ITGA1: variants seen among roughly 807,000 people sequenced by gnomAD.
The protein encoded by ITGA1 is integrin alpha-1.
In ITGA1, 85 loss-of-function variants were observed where a neutral mutation model predicts 145.9. The observed-to-expected ratio is 0.58, with a 90% CI of 0.49 to 0.70. The LOEUF (loss-of-function observed/expected upper bound fraction) is 0.70, where lower values mean the gene tolerates loss of function less well. Ranked by LOEUF, ITGA1 falls within the 30% of genes least tolerant of loss-of-function variation. The pLI is 0.00. For synonymous variants in ITGA1, 520 were observed against 495.3 expected (o/e 1.05, Z -0.66); for missense variants, 1,351 against 1,418.7 (o/e 0.95, Z 0.77).
At chr5:52,810,262 G>A (rs1284343461) in intron 1 of ITGA1, among the ~76,000 whole-genome samples, 9 of 152,234 alleles carry the variant, frequency 5.9e-5, no homozygotes, top group African/African-American at 2.2e-4. Context: ...CCTGGGGACT[G>A]AAGTCAGGAA....
chr5:52,876,458 AC>A (rs1431066495), intron 6 of ITGA1, among the ~76,000 whole-genome samples: 40 of 152,186 alleles, frequency 2.6e-4, no homozygotes, highest in African/African-American at 9.6e-4. Context: ...GAAAACAAGC[AC>A]CCCGGTATCA....
At chr5:52,893,889 C>G in intron 9 of ITGA1, 49 bp downstream of exon 9, 2 of 1,427,264 alleles carry the variant, frequency 1.4e-6, no homozygotes, top group Non-Finnish European at 9.7e-7. Flanking sequence ...AATTCAAAAT[C>G]AGTATAATGG....
intron 1 of ITGA1, among the ~76,000 whole-genome samples, chr5:52,805,281 A>T (rs1748567898): frequency 1.3e-5 from 2 of 152,306 alleles, no homozygotes; most frequent in South Asian, 4.1e-4. Context: ...AAGCTGAAGC[A>T]GCATGCTAAA....
At chr5:52,900,332 A>C (rs1483687289) in intron 11 of ITGA1, among the ~76,000 whole-genome samples, 1 of 152,198 alleles carries the variant, frequency 6.6e-6, no homozygotes, top group South Asian at 2.1e-4. Flanking sequence ...TAAATTAGTA[A>C]AACTCCTTAT....
At chr5:52,814,738 A>AT (rs1554041326) in intron 1 of ITGA1, among the ~76,000 whole-genome samples, 5 of 151,850 alleles carry the variant, frequency 3.3e-5, no homozygotes, top group Non-Finnish European at 7.4e-5. Context: ...TTAAAAAAAA[A>AT]GGGGGGGAAA....
Position 52,946,531 on chromosome 5 carries a change from C to G in ITGA1, c.3379-814C>G, listed in dbSNP as rs1301167998. Among the ~76,000 whole-genome samples, 8 of 152,138 alleles carry G rather than the reference C, an allele frequency of 5.3e-5. No homozygotes were observed. In the East Asian group the frequency reaches 1.3e-3, roughly 26 times the overall value. On this transcript the variant is annotated intron_variant, in intron 27 of 28. Transcript: ENST00000282588. ...TGTTAGTTTCTTTTTCTACCCTAATCTTCCCTCTAGGTAAAGAAATTGAGG... is the reference window on the plus strand; with the variant it reads ...TGTTAGTTTCTTTTTCTACCCTAATGTTCCCTCTAGGTAAAGAAATTGAGG...
Position 52,801,597 on chromosome 5 carries a change from C to A in ITGA1, c.61+13183C>A, listed in dbSNP as rs778751436. On this transcript the variant is annotated intron_variant, in intron 1 of 28. Transcript: ENST00000282588. ...AGCAGGTGGAGAAGGCCAATGAAGCCATGGCAATTGACACATTGCTCATCA... is the reference window on the plus strand; with the variant it reads ...AGCAGGTGGAGAAGGCCAATGAAGCAATGGCAATTGACACATTGCTCATCA... 2.5e-6 allele frequency: 4 copies of A among 1,613,792 alleles called. No homozygotes were observed. In the African/African-American group the frequency reaches 5.3e-5, roughly 22 times the overall value.
intron 1 of ITGA1, chr5:52,804,052 T>C (rs1037209639): frequency 6.6e-6 from 1 of 152,220 alleles, no homozygotes; most frequent in African/African-American, 2.4e-5. Flanking sequence ...TTACATTTTC[T>C]GTTATCAAGA....
At chr5:52,847,842 G>GC (rs1749363197) in intron 1 of ITGA1, among the ~76,000 whole-genome samples, 1 of 152,108 alleles carries the variant, frequency 6.6e-6, no homozygotes, top group Admixed American at 6.5e-5. Flanking sequence ...AGCCATCATG[G>GC]CCCCCTGGAA....
intron 7 of ITGA1, among the ~76,000 whole-genome samples, chr5:52,886,295 A>T (rs528776123): frequency 6.6e-6 from 1 of 152,178 alleles, no homozygotes; most frequent in African/African-American, 2.4e-5. Context: ...ATCTTGTCAT[A>T]TTTGCTTTAA....
chr5:52,830,089 T>C (rs1203786308), intron 1 of ITGA1, among the ~76,000 whole-genome samples: 1 of 152,154 alleles, frequency 6.6e-6, no homozygotes, highest in African/African-American at 2.4e-5. Context: ...TAAAAGTTAT[T>C]TGAGTCCCTA....
intron 2 of ITGA1, among the ~76,000 whole-genome samples, chr5:52,856,667 G>A (rs901016001): frequency 1.5e-5 from 2 of 134,184 alleles, no homozygotes; most frequent in East Asian, 2.3e-4. Context: ...ATTTTCCAAA[G>A]AAGAAAAAGA....
chr5:52,949,197 T>A (rs996390850), intron 28 of ITGA1, among the ~76,000 whole-genome samples: 1 of 152,192 alleles, frequency 6.6e-6, no homozygotes, highest in Non-Finnish European at 1.5e-5. Flanking sequence ...CTAGCTCTTA[T>A]CGAATGCTTA....
chr5:52,947,542 A>G lies in ITGA1; in HGVS notation c.3495+81A>G, dbSNP rs1226752848. On this transcript the variant is annotated intron_variant, in intron 28 of 28. Transcript: ENST00000282588. Reference sequence around the variant, plus strand: ...AAATAAGCTCTGATATATTCAGACTATGTAATATAGTATTATTACAGCAAT... The same window carrying G: ...AAATAAGCTCTGATATATTCAGACTGTGTAATATAGTATTATTACAGCAAT... 3.7e-5 allele frequency: 30 copies of G among 803,396 alleles called. No homozygotes were observed. The Admixed American group carries it at 6.2e-4, about 17-fold the overall frequency. 49.8% of individuals were successfully genotyped at this position (803,396 alleles called of 1,614,324 possible).
intron 6 of ITGA1, among the ~76,000 whole-genome samples, chr5:52,877,390 A>C (rs1427994489): frequency 6.6e-6 from 1 of 152,106 alleles, no homozygotes; most frequent in Non-Finnish European, 1.5e-5. Flanking sequence ...TTGACTCTGG[A>C]GTCGGGCTCC....
intron 8 of ITGA1, among the ~76,000 whole-genome samples, chr5:52,891,262 C>CTT (rs369752958): frequency 0.44 from 60,017 of 135,182 alleles, 12,926 homozygotes; most frequent in East Asian, 0.57. Flanking sequence ...TTTTTTTTTT[C>CTT]TTTTTTTTTT....
chr5:52,883,388 G>GT (rs1357021625), intron 7 of ITGA1, among the ~76,000 whole-genome samples: 1 of 152,120 alleles, frequency 6.6e-6, no homozygotes, highest in Non-Finnish European at 1.5e-5. Flanking sequence ...GTCCCTATGT[G>GT]TTTTTTGCCT....
chr5:52,915,647 T>C, intron 15 of ITGA1, 53 bp downstream of exon 15: 2 of 1,598,190 alleles, frequency 1.3e-6, no homozygotes, highest in Non-Finnish European at 1.7e-6. Context: ...CTTGCAGAGC[T>C]CCCAGTGTGA....
chr5:52,928,520 C>T (rs1047824964), intron 20 of ITGA1, among the ~76,000 whole-genome samples: 6 of 152,266 alleles, frequency 3.9e-5, no homozygotes, highest in East Asian at 3.9e-4. Context: ...ACAGTCATTA[C>T]GACAATTGAT....
Sources: allele counts gnomAD v4.1 joint callset (sites outside exome capture counted in the v4.1 genomes callset), GRCh38; gene constraint gnomAD v4.1.1; transcripts MANE v1.5; gene names NCBI Gene and HGNC (gene_info 2026-07-23, HGNC 2026-07-21).